DNAI4: variants seen among roughly 807,000 people sequenced by gnomAD.
The protein encoded by DNAI4 is dynein axonemal intermediate chain 4.
In DNAI4, 85 loss-of-function variants were observed where a neutral mutation model predicts 105.8. The observed-to-expected ratio is 0.80, with a 90% CI of 0.67 to 0.96. The LOEUF is 0.96. Ranked by LOEUF, DNAI4 falls within the 40% of genes least tolerant of loss-of-function variation. The pLI is 0.00. For missense variants in DNAI4, 1,014 were observed against 1,005.6 expected, an observed-to-expected ratio of 1.01 and a Z score of -0.11; for synonymous variants, 352 against 331.5, an observed-to-expected ratio of 1.06 and a Z score of -0.67.
chr1:66,822,266 T>C, intron 16 of DNAI4, 95 bp downstream of exon 16: 1 of 1,148,566 alleles, frequency 8.7e-7, no homozygotes, highest in Non-Finnish European at 1.2e-6. Flanking sequence ...ATATTACACC[T>C]AAGATATTGA....
rs1392238402 is a variant in DNAI4 at position 66,826,966 on chromosome 1, T to C, written c.2193A>G (p.Ile731Met). The change falls in exon 15 of 17, where the codon ATA (isoleucine) becomes ATG (methionine). Residue 731 changes from isoleucine (I) to methionine (M), a missense_variant. Transcript: ENST00000371026. ...LSCSADWGVI[I>M]WQQENVKPSL... ...ATGGCTTGACATTCTCCTGTTGCCATATAATAACACCCCAATCTGCAGAAC... is the reference window on the plus strand; with the variant it reads ...ATGGCTTGACATTCTCCTGTTGCCACATAATAACACCCCAATCTGCAGAAC... The C allele has an allele frequency of 6.2e-7, 1 of 1,614,082 alleles. No individual in the cohort carries two copies. Among genetic ancestry groups the C allele is most frequent in the Non-Finnish European group, 8.5e-7 (1 of 1,180,020 alleles).
chr1:66,836,307 A>G (rs866152527), intron 10 of DNAI4, among the ~76,000 whole-genome samples: 2 of 137,364 alleles, frequency 1.5e-5, no homozygotes, highest in African/African-American at 5.5e-5. Flanking sequence ...AAAGAAAGAA[A>G]GAAAGAAAGA....
chr1:66,865,299 C>T (rs1646710315), intron 6 of DNAI4, among the ~76,000 whole-genome samples: 2 of 152,052 alleles, frequency 1.3e-5, no homozygotes, highest in Admixed American at 6.6e-5. Flanking sequence ...TGGCATGTGC[C>T]TGTAATCGCA....
chr1:66,856,187 A>C (rs2100573564), intron 7 of DNAI4, among the ~76,000 whole-genome samples: 1 of 150,688 alleles, frequency 6.6e-6, no homozygotes, highest in East Asian at 2.0e-4. Flanking sequence ...TAACACTTAT[A>C]GGCGGGGCAC....
In DNAI4 at chr1:66,833,688, C is replaced by G. The variant is rs202043689; in HGVS notation, c.1910G>C (p.Arg637Thr). 5.0e-6 allele frequency: 8 copies of G among 1,612,848 alleles called. No homozygotes were observed. In the East Asian group the frequency reaches 1.8e-4, roughly 36 times the overall value. Reference protein sequence around the residue: ...LDCYDLMRLKRTTAASNKKGG... With the variant: ...LDCYDLMRLKTTTAASNKKGG... The stretch of plus-strand genomic sequence containing the variant: ...TTTTTTGTTACTGGCAGCTGTAGTT[C>G]TCTTTAATCGCATCAAATCTGTATT... The change falls in exon 13 of 17, where the codon AGA becomes ACA. Residue 637 changes from arginine to threonine, a missense_variant. By Grantham distance (71) the Arg-to-Thr change is moderately conservative. Transcript: ENST00000371026.
chr1:66,851,308 C>CA (rs890879568), intron 7 of DNAI4, among the ~76,000 whole-genome samples: 8 of 149,888 alleles, frequency 5.3e-5, no homozygotes, highest in Admixed American at 3.3e-4. Context: ...AATGTTTATG[C>CA]AAAAAAACAA....
intron 11 of DNAI4, among the ~76,000 whole-genome samples, chr1:66,834,462 CTATT>C (rs958308909): frequency 1.2e-4 from 19 of 152,160 alleles, no homozygotes; most frequent in Admixed American, 1.2e-3. Flanking sequence ...TTTTCTTACT[CTATT>C]CATTAATTCT....
At chr1:66,921,852 G>A (rs987513728) in intron 1 of DNAI4, among the ~76,000 whole-genome samples, 5 of 151,702 alleles carry the variant, frequency 3.3e-5, no homozygotes, top group African/African-American at 1.2e-4. Flanking sequence ...CTATCCTTAG[G>A]TGAAGATGGA....
intron 6 of DNAI4, among the ~76,000 whole-genome samples, chr1:66,865,871 T>A (rs1646721951): frequency 6.6e-6 from 1 of 152,206 alleles, no homozygotes; most frequent in Non-Finnish European, 1.5e-5. Flanking sequence ...TTAGCAGAAG[T>A]TATTTCTGTA....
chr1:66,871,814 C>G lies in DNAI4; in HGVS notation c.801-305G>C, dbSNP rs1479030046. ...AAATTTTCCATTACTTCTTTGATGA[C>G]CCATGAGGAATTTAGAAATGTGTTT... On this transcript the variant is annotated intron_variant, in intron 5 of 16. Coordinates refer to ENST00000371026, the MANE Select transcript of DNAI4 (RefSeq NM_024763.5). Among the ~76,000 whole-genome samples the G allele has an allele frequency of 2.0e-5, 3 of 152,060 alleles. No homozygotes were observed. In the South Asian group the frequency reaches 6.2e-4, roughly 32 times the overall value.
intron 5 of DNAI4, among the ~76,000 whole-genome samples, chr1:66,872,385 C>T (rs1004573299): frequency 3.3e-5 from 5 of 151,946 alleles, no homozygotes; most frequent in Non-Finnish European, 7.4e-5. Flanking sequence ...TAAGCCACCA[C>T]GCCCAGCTAA....
chr1:66,838,496 C>T (rs1430526732), intron 9 of DNAI4, among the ~76,000 whole-genome samples: 4 of 152,192 alleles, frequency 2.6e-5, no homozygotes, highest in Non-Finnish European at 5.9e-5. Flanking sequence ...CTTTAAGACA[C>T]CCAGTCTATA....
intron 7 of DNAI4, among the ~76,000 whole-genome samples, chr1:66,848,795 A>G (rs1350825524): frequency 6.6e-6 from 1 of 152,192 alleles, no homozygotes; most frequent in Non-Finnish European, 1.5e-5. Flanking sequence ...CTCTTTAGCC[A>G]AATGACCAGG....
At chr1:66,828,709 C>CT (rs1645805548) in intron 13 of DNAI4, among the ~76,000 whole-genome samples, 1 of 151,790 alleles carries the variant, frequency 6.6e-6, no homozygotes, top group Non-Finnish European at 1.5e-5. Flanking sequence ...TATGATTTAC[C>CT]TTTTTATTTT....
chr1:66,825,470 C>T (rs190692328), intron 15 of DNAI4, among the ~76,000 whole-genome samples: 14 of 152,110 alleles, frequency 9.2e-5, no homozygotes, highest in South Asian at 4.2e-4. Flanking sequence ...CGTGAGCCAC[C>T]GCGCACGGCC....
At chr1:66,831,955 G>T (rs1645875209) in intron 13 of DNAI4, among the ~76,000 whole-genome samples, 1 of 152,142 alleles carries the variant, frequency 6.6e-6, no homozygotes, top group African/African-American at 2.4e-5. Flanking sequence ...CTCTGCTGGG[G>T]ACTGATGTGC....
At chr1:66,843,908 T>C (rs1456666287) in intron 8 of DNAI4, among the ~76,000 whole-genome samples, 1 of 151,956 alleles carries the variant, frequency 6.6e-6, no homozygotes, top group Non-Finnish European at 1.5e-5. Context: ...CACGATAGCT[T>C]TATACTAAGT....
chr1:66,897,163 A>G (rs1648406010), intron 2 of DNAI4, among the ~76,000 whole-genome samples: 1 of 152,218 alleles, frequency 6.6e-6, no homozygotes, highest in South Asian at 2.1e-4. Context: ...TAGAAACCGG[A>G]ATAAAGGCTG....
chr1:66,910,788 G>A (rs1649602007), intron 1 of DNAI4, among the ~76,000 whole-genome samples: 1 of 152,162 alleles, frequency 6.6e-6, no homozygotes. Context: ...TAAGTTCCAT[G>A]AGGGTAGGAA....
Sources: gnomAD v4.1 joint callset for allele counts (sites outside exome capture counted in the v4.1 genomes callset) on GRCh38, gnomAD v4.1.1 for gene constraint, MANE v1.5 for transcripts, NCBI Gene and HGNC (gene_info 2026-07-23, HGNC 2026-07-21) for gene names.